The following AFF2 variants were observed in gnomAD, a reference collection of about 807,000 sequenced individuals.
AFF2 encodes ALF transcription elongation factor 2.
A neutral mutation model predicts 76.9 loss-of-function variants in AFF2; 14 were observed. The observed-to-expected ratio is 0.18, with a 90% confidence interval of 0.12 to 0.28. The LOEUF is 0.28. Among genes scored for constraint, AFF2 ranks in the 10% least tolerant of loss-of-function variants. The probability of loss-of-function intolerance (pLI) is 1.00; values close to 1 mark genes in which losing one functional copy is unlikely to be tolerated. For synonymous variants in AFF2, 398 were observed against 366.7 expected, an observed-to-expected ratio of 1.09 and a Z score of -0.98; for missense variants, 868 against 1,001.1, an observed-to-expected ratio of 0.87 and a Z score of 1.79.
At chrX:148,572,016 G>C (rs1229280867) in intron 1 of AFF2, among the ~76,000 whole-genome samples, 2 of 102,291 alleles carry the variant, frequency 2.0e-5, no homozygotes, top group Non-Finnish European at 3.9e-5. Flanking sequence ...GTAAACCATA[G>C]ATCTGATAAC....
At position 148,947,628 on chromosome X, in the gene AFF2, G is replaced by A. The variant is rs782448117; in HGVS notation, c.1398-5952G>A. Among the ~76,000 whole-genome samples the A allele has an allele frequency of 2.7e-5, 3 of 111,794 alleles. No homozygotes were observed. The East Asian group carries it at 8.4e-4, about 31-fold the overall frequency. On this transcript the variant is annotated intron_variant, in intron 9 of 20. Coordinates refer to ENST00000370460, the MANE Select transcript of AFF2 (RefSeq NM_002025.4). ...CAAAATGGAATCTTCCCAGTCTCTA[G>A]CTAGAATAAGTTCAGGGTTCAGAGT... is the stretch of plus-strand genomic sequence containing the variant.
chrX:148,616,656 G>A (rs2053805554), intron 1 of AFF2, among the ~76,000 whole-genome samples: 1 of 110,144 alleles, frequency 9.1e-6, no homozygotes. Context: ...CATGTGCCAT[G>A]TTGGTGTGCT....
At chrX:148,965,343 A>G (rs1279398021) in intron 13 of AFF2, among the ~76,000 whole-genome samples, 2 of 112,126 alleles carry the variant, frequency 1.8e-5, no homozygotes, top group Non-Finnish European at 1.9e-5. Context: ...TAAAGATGAA[A>G]TAGAGGAATT....
intron 1 of AFF2, among the ~76,000 whole-genome samples, chrX:148,590,923 A>C (rs1481760460): frequency 9.0e-6 from 1 of 111,589 alleles, no homozygotes; most frequent in Non-Finnish European, 1.9e-5. Flanking sequence ...GTACACAGCA[A>C]CTCATTGGAG....
intron 4 of AFF2, among the ~76,000 whole-genome samples, chrX:148,812,939 T>G (rs2070221882): frequency 8.9e-6 from 1 of 112,203 alleles, no homozygotes; most frequent in South Asian, 3.7e-4. Flanking sequence ...GGCAAAGTGC[T>G]ATAATATGCT....
At chrX:148,892,068 A>C (rs2071229961) in intron 8 of AFF2, among the ~76,000 whole-genome samples, 1 of 111,723 alleles carries the variant, frequency 9.0e-6, no homozygotes, top group African/African-American at 3.3e-5. Context: ...CTTTGAACAC[A>C]AAACATTCTA....
At chrX:148,764,394 C>T (rs186143817) in intron 3 of AFF2, among the ~76,000 whole-genome samples, 1 of 111,962 alleles carries the variant, frequency 8.9e-6, no homozygotes, top group Admixed American at 9.4e-5. Context: ...TAAAAGATGC[C>T]AGTTTTGATG....
At chrX:148,820,199 T>C (rs1258125828) in intron 4 of AFF2, among the ~76,000 whole-genome samples, 3 of 111,758 alleles carry the variant, frequency 2.7e-5, no homozygotes, top group Non-Finnish European at 3.8e-5. Flanking sequence ...CATCTATAAA[T>C]CAATTTTGAG....
At chrX:148,878,051 A>G (rs1391852296) in intron 7 of AFF2, among the ~76,000 whole-genome samples, 1 of 111,530 alleles carries the variant, frequency 9.0e-6, no homozygotes, top group African/African-American at 3.3e-5. Context: ...GAGAGGGGCA[A>G]TTCCAAAAGG....
rs1316331566 is a variant in AFF2, at chrX:148,545,746, TA to T, written c.47+44612del. Among the ~76,000 whole-genome samples the T allele has an allele frequency of 7.2e-3, 753 of 105,188 alleles. 9 individuals are homozygous for T. The highest frequency in any genetic ancestry group is 0.022 in the African/African-American group (644 of 28,848). 91.3% of individuals were successfully genotyped at this position (105,188 alleles called of 115,157 possible). ...AGTTACCTGGAGGGCTTAAATAAAT[TA>T]AAAAAAAAAGAGTCACCTCGAGGGC... On this transcript the variant is annotated intron_variant, in intron 1 of 20. Transcript: ENST00000370460.
At chrX:148,694,189 G>A (rs1402709979) in intron 3 of AFF2, among the ~76,000 whole-genome samples, 1 of 99,288 alleles carries the variant, frequency 1.0e-5, no homozygotes, top group Non-Finnish European at 2.0e-5. Context: ...GGGGGGGAGG[G>A]ATAGCATTGG....
intron 1 of AFF2, among the ~76,000 whole-genome samples, chrX:148,520,373 A>C (rs1223305319): frequency 1.8e-5 from 2 of 112,042 alleles, no homozygotes; most frequent in Admixed American, 1.9e-4. Context: ...TGAAAAAGTC[A>C]TATTTAGCTG....
chrX:148,973,691 CTTA>C (rs1320175798), intron 16 of AFF2, 84 bp downstream of exon 16: 3 of 1,002,976 alleles, frequency 3.0e-6, no homozygotes, highest in Non-Finnish European at 4.1e-6. Context: ...ATCATTTCCA[CTTA>C]TTAATAATTT....
chrX:148,539,365 C>T (rs2052826698), intron 1 of AFF2, among the ~76,000 whole-genome samples: 1 of 111,423 alleles, frequency 9.0e-6, no homozygotes, highest in Non-Finnish European at 1.9e-5. Flanking sequence ...AAGCTGGCTA[C>T]GTTAGATTTC....
chrX:148,715,086 A>G lies in AFF2; in HGVS notation c.1041+52318A>G, dbSNP rs1300029673. On this transcript the variant is annotated intron_variant, in intron 3 of 20. Coordinates refer to ENST00000370460, the MANE Select transcript of AFF2 (RefSeq NM_002025.4). ...GCCGTCACTGCAGAGGTGGGGTTCA[A>G]GGAAGCATCCCAGGACCTTGAACAG... Among the ~76,000 whole-genome samples the G allele has an allele frequency of 3.6e-5, 4 of 111,330 alleles. No homozygotes were observed. The East Asian group carries it at 8.6e-4, about 24-fold the overall frequency.
At chrX:148,542,529 A>G (rs1471217394) in intron 1 of AFF2, among the ~76,000 whole-genome samples, 1 of 111,577 alleles carries the variant, frequency 9.0e-6, no homozygotes, top group Non-Finnish European at 1.9e-5. Flanking sequence ...TAAAGGATAC[A>G]CATTTTGATC....
intron 9 of AFF2, among the ~76,000 whole-genome samples, chrX:148,952,139 C>T (rs1557286677): frequency 9.0e-6 from 1 of 111,351 alleles, no homozygotes; most frequent in African/African-American, 3.3e-5. Context: ...GGCTCCAGCT[C>T]AGTGAGTGAG....
chrX:148,713,217 G>A (rs1311041184), intron 3 of AFF2, among the ~76,000 whole-genome samples: 5 of 111,468 alleles, frequency 4.5e-5, no homozygotes, highest in Non-Finnish European at 9.4e-5. Context: ...TCCATTTTGG[G>A]TAGGTAGAGA....
chrX:148,790,033 A>T (rs1239330562), intron 3 of AFF2, among the ~76,000 whole-genome samples: 1 of 111,613 alleles, frequency 9.0e-6, no homozygotes, highest in Non-Finnish European at 1.9e-5. Flanking sequence ...AGATTTACTT[A>T]TTGTCCAACT....
Sources: allele counts gnomAD v4.1 joint callset (sites outside exome capture counted in the v4.1 genomes callset), GRCh38; gene constraint gnomAD v4.1.1; transcripts MANE v1.5; gene names NCBI Gene and HGNC (gene_info 2026-07-23, HGNC 2026-07-21).